The following CDK15 variants were observed in gnomAD, a reference collection of about 807,000 sequenced individuals.
The protein encoded by CDK15 is cyclin dependent kinase 15.
Under a neutral mutation model 60.3 loss-of-function variants are expected in CDK15, and 62 were observed. That is an observed-to-expected ratio of 1.03 (90% CI 0.84 to 1.27). The LOEUF (loss-of-function observed/expected upper bound fraction) is 1.27, where lower values mean the gene tolerates loss of function less well. Ranked by LOEUF, CDK15 falls within the 50% of genes most tolerant of loss-of-function variation. CDK15 has a pLI of 0.00. For missense variants in CDK15, 541 were observed against 527.8 expected (o/e 1.03, Z -0.25); for synonymous variants, 194 against 195.7 (o/e 0.99, Z 0.07).
intron 12 of CDK15, chr2:201,889,158 G>A (rs944200679): frequency 1.0e-6 from 1 of 985,416 alleles, no homozygotes; most frequent in East Asian, 1.1e-4. Flanking sequence ...TTCCCTTTGG[G>A]TGTGAGCAGC....
chr2:201,873,213 G>A (rs1698926358), intron 11 of CDK15, among the ~76,000 whole-genome samples: 1 of 152,142 alleles, frequency 6.6e-6, no homozygotes, highest in African/African-American at 2.4e-5. Context: ...AGGGTACAAA[G>A]AGTAAAATAG....
intron 6 of CDK15, among the ~76,000 whole-genome samples, chr2:201,831,287 T>G (rs953259994): frequency 6.6e-6 from 1 of 152,192 alleles, no homozygotes; most frequent in Non-Finnish European, 1.5e-5. Flanking sequence ...CATTGGTTTT[T>G]GAGTAACTCC....
At chr2:201,826,375 G>A (rs1442821552) in intron 6 of CDK15, among the ~76,000 whole-genome samples, 1 of 145,294 alleles carries the variant, frequency 6.9e-6, no homozygotes, top group Non-Finnish European at 1.5e-5. Flanking sequence ...CAGGAGAATG[G>A]CGTGAACCCG....
At position 201,873,552 on chromosome 2, in the gene CDK15, C is replaced by G. The variant is rs76686953; in HGVS notation, c.1058+1226C>G. 7.7e-3 allele frequency among the ~76,000 whole-genome samples: 1,179 copies of G among 152,312 alleles called. 14 individuals are homozygous for G. The highest frequency in any genetic ancestry group is 0.027 in the African/African-American group (1,123 of 41,566). On this transcript the variant is annotated intron_variant, in intron 11 of 13. Coordinates refer to ENST00000652192, the MANE Select transcript of CDK15 (RefSeq NM_001366386.2). Reference sequence around the variant, plus strand: ...GCTGCTGCTGCAGCTGCCCCTGTCCCATGGCAGAAGATAGTTCACCAGCCT... The same window carrying G: ...GCTGCTGCTGCAGCTGCCCCTGTCCGATGGCAGAAGATAGTTCACCAGCCT...
chr2:201,891,186 C>T (rs1303332121), intron 13 of CDK15, among the ~76,000 whole-genome samples: 1 of 152,206 alleles, frequency 6.6e-6, no homozygotes, highest in Non-Finnish European at 1.5e-5. Flanking sequence ...TATGCTTCCT[C>T]ATCGGTGTGA....
At chr2:201,807,430 T>C in intron 1 of CDK15, 64 bp from the exon 2 acceptor site, 1 of 1,519,550 alleles carries the variant, frequency 6.6e-7, no homozygotes, top group South Asian at 1.2e-5. Flanking sequence ...GAAAAAATGG[T>C]TTTACCAGGC....
chr2:201,861,473 T>G, intron 10 of CDK15: 1 of 985,244 alleles, frequency 1.0e-6, no homozygotes, highest in Non-Finnish European at 1.2e-6. Context: ...ATAAATTATA[T>G]TGAATTGCAT....
intron 12 of CDK15, among the ~76,000 whole-genome samples, chr2:201,885,352 G>A (rs1423507922): frequency 6.6e-6 from 1 of 152,118 alleles, no homozygotes; most frequent in African/African-American, 2.4e-5. Context: ...CAGGGGCTGG[G>A]GATGTTGGAA....
At chr2:201,853,678 A>G (rs58698456) in intron 9 of CDK15, among the ~76,000 whole-genome samples, 7,074 of 152,104 alleles carry the variant, frequency 0.047, 545 homozygotes, top group African/African-American at 0.16. Flanking sequence ...CACAAGAACA[A>G]TGTTACTCTG....
intron 5 of CDK15, among the ~76,000 whole-genome samples, 197 bp from the exon 6 acceptor site, chr2:201,823,468 C>A (rs1696322008): frequency 6.6e-6 from 1 of 152,162 alleles, no homozygotes; most frequent in Non-Finnish European, 1.5e-5. Flanking sequence ...GTTCTAAGAA[C>A]AGCCAGTTAG....
At chr2:201,892,739 A>T (rs1055543337) in intron 13 of CDK15, among the ~76,000 whole-genome samples, 1 of 152,244 alleles carries the variant, frequency 6.6e-6, no homozygotes, top group Non-Finnish European at 1.5e-5. Flanking sequence ...AGTTAGAGAG[A>T]CTAAAAGCAG....
At position 201,894,073 on chromosome 2, in the gene CDK15, C is replaced by CCACACACACACACACACACACACACACA. The variant is rs5837794; in HGVS notation, c.*820_*847dup. On this transcript the variant is annotated 3_prime_UTR_variant, in exon 14 of 14. Coordinates refer to ENST00000652192, the MANE Select transcript of CDK15 (RefSeq NM_001366386.2). Reference sequence around the variant, plus strand: ...ATGTAATTTAAGCCCTGTTGCACCACCACACACACACACACACACACACAC... The same window carrying CCACACACACACACACACACACACACACA: ...ATGTAATTTAAGCCCTGTTGCACCACCACACACACACACACACACACACACACACACACACACACACACACACACACAC... The CCACACACACACACACACACACACACACA allele has an allele frequency of 2.1e-5, 3 of 144,314 alleles. No individual in the cohort carries two copies. Among genetic ancestry groups the CCACACACACACACACACACACACACACA allele is most frequent in the African/African-American group, 7.9e-5 (3 of 38,032 alleles). The allele number at this position is 144,314 out of a possible 1,614,324, so 8.9% of individuals were successfully genotyped here. A position where few individuals can be genotyped will look rare whatever the true frequency, so the allele number is the denominator to read the frequency against.
chr2:201,889,564 C>T, intron 12 of CDK15: 1 of 335,832 alleles, frequency 3.0e-6, no homozygotes, highest in Non-Finnish European at 4.2e-6. Flanking sequence ...TTTGGAGGAA[C>T]TGGCTTGTAG....
rs1173707002 is a variant in CDK15 at position 201,823,664 on chromosome 2, G to A, written c.544-1G>A. On this transcript the variant is annotated splice_acceptor_variant, in intron 5 of 13. Coordinates refer to ENST00000652192, the MANE Select transcript of CDK15 (RefSeq NM_001366386.2). LOFTEE classifies it high-confidence loss of function. Reference sequence around the variant, plus strand: ...TTCTCTTTCTCCGCTGTTTTATTTAGCACACAGACCTGGCCCAGTATATGT... The same window carrying A: ...TTCTCTTTCTCCGCTGTTTTATTTAACACACAGACCTGGCCCAGTATATGT... 3 of 1,613,608 alleles carry A rather than the reference G, an allele frequency of 1.9e-6. No individual in the cohort carries two copies. The highest frequency in any genetic ancestry group is 3.3e-5 in the Admixed American group (2 of 60,010).
chr2:201,835,571 C>CA, intron 7 of CDK15, 72 bp from the exon 8 acceptor site: 19 of 1,415,702 alleles, frequency 1.3e-5, no homozygotes, highest in Non-Finnish European at 1.7e-5. Context: ...ATGGTGTTTA[C>CA]CCTGGTCCAG....
intron 10 of CDK15, among the ~76,000 whole-genome samples, chr2:201,855,381 G>A (rs1025458983): frequency 3.3e-5 from 5 of 152,216 alleles, no homozygotes; most frequent in African/African-American, 1.2e-4. Flanking sequence ...TAAGCTGTCT[G>A]TAGGTTATAC....
In CDK15 at chr2:201,893,371, T is replaced by G. The variant is rs971344446; in HGVS notation, c.*104T>G. 4 of 152,246 alleles carry G rather than the reference T, an allele frequency of 2.6e-5. No homozygotes were observed. The highest frequency in any genetic ancestry group is 9.6e-5 in the African/African-American group (4 of 41,462). 9.4% of individuals were successfully genotyped at this position (152,246 alleles called of 1,614,324 possible). A position where few individuals can be genotyped will look rare whatever the true frequency, so the allele number is the denominator to read the frequency against. On this transcript the variant is annotated 3_prime_UTR_variant, in exon 14 of 14. Coordinates refer to ENST00000652192, the MANE Select transcript of CDK15 (RefSeq NM_001366386.2). The stretch of plus-strand genomic sequence containing the variant: ...AGAAGCTTCAAATCTAACTCCATAC[T>G]GAACAAGGGGCTTTATGTCCTCACC...
intron 10 of CDK15, among the ~76,000 whole-genome samples, chr2:201,867,508 C>T (rs557255914): frequency 2.0e-5 from 3 of 152,162 alleles, no homozygotes; most frequent in Admixed American, 1.3e-4. Context: ...ACTTATGATC[C>T]CAGCTACTCA....
intron 10 of CDK15, among the ~76,000 whole-genome samples, chr2:201,858,051 T>A (rs1461816575): frequency 1.3e-5 from 2 of 151,996 alleles, no homozygotes; most frequent in African/African-American, 4.8e-5. Context: ...TTTGAGGGAG[T>A]CCAGTTGTCC....
Sources: allele counts gnomAD v4.1 joint callset (sites outside exome capture counted in the v4.1 genomes callset), GRCh38; gene constraint gnomAD v4.1.1; transcripts MANE v1.5; gene names NCBI Gene and HGNC (gene_info 2026-07-23, HGNC 2026-07-21).